CAT: variants seen among roughly 807,000 people sequenced by gnomAD.
CAT encodes the protein epididymis secretory sperm binding protein.
A neutral mutation model predicts 59.0 loss-of-function variants in CAT; 43 were observed. The ratio of observed to expected loss-of-function variants is 0.73; its 90% confidence interval spans 0.57 to 0.94. The LOEUF is 0.94. Ranked by LOEUF, CAT falls within the 40% of genes least tolerant of loss-of-function variation. The pLI is 0.00. For synonymous variants in CAT, 218 were observed against 230.9 expected (o/e 0.94, Z 0.51); for missense variants, 664 against 682.9 (o/e 0.97, Z 0.31).
intron 5 of CAT, among the ~76,000 whole-genome samples, 181 bp downstream of exon 5, chr11:34,453,375 AATG>A (rs918559611): frequency 3.1e-4 from 47 of 152,138 alleles, no homozygotes; most frequent in African/African-American, 1.1e-3. Flanking sequence ...ATCGGCCTTA[AATG>A]ATGATGATGA....
Position 34,471,790 on chromosome 11 carries a change from G to T in CAT, c.*357G>T. 1 of 235,310 alleles carries T rather than the reference G, an allele frequency of 4.2e-6. No individual in the cohort carries two copies. Among genetic ancestry groups the T allele is most frequent in the Non-Finnish European group, 8.5e-6 (1 of 117,388 alleles). The allele number at this position is 235,310 out of a possible 1,614,324, so 14.6% of individuals were successfully genotyped here. A position where few individuals can be genotyped will look rare whatever the true frequency, so the allele number is the denominator to read the frequency against. ...CTCATGGCCTATTATATTAAAATATGGCTATAAATATATAAAAAGAAAAGA... is the reference window on the plus strand; with the variant it reads ...CTCATGGCCTATTATATTAAAATATTGCTATAAATATATAAAAAGAAAAGA... On this transcript the variant is annotated 3_prime_UTR_variant, in exon 13 of 13. Coordinates refer to ENST00000241052, the MANE Select transcript of CAT (RefSeq NM_001752.4).
At chr11:34,466,191 C>G (rs1318050072) in intron 10 of CAT, among the ~76,000 whole-genome samples, 2 of 152,212 alleles carry the variant, frequency 1.3e-5, no homozygotes, top group Non-Finnish European at 1.5e-5. Flanking sequence ...ATAACTTTGC[C>G]TCTGCTCAGT....
rs74906502 is a variant in CAT, at chr11:34,454,101, G to C, written c.711+175G>C. On this transcript the variant is annotated intron_variant, in intron 6 of 12. Transcript: ENST00000241052. ...CTGATTTTGTTGGCTACCATCTGAGGACCTTGGAGCGTATCCCAATCTCAT... is the reference window on the plus strand; with the variant it reads ...CTGATTTTGTTGGCTACCATCTGAGCACCTTGGAGCGTATCCCAATCTCAT... Among the ~76,000 whole-genome samples the C allele has an allele frequency of 1.6e-4, 25 of 152,284 alleles. 1 individual carries two copies. In the East Asian group the frequency reaches 4.8e-3, roughly 29 times the overall value.
At chr11:34,445,265 G>A (rs1325985347) in intron 1 of CAT, among the ~76,000 whole-genome samples, 4 of 151,940 alleles carry the variant, frequency 2.6e-5, no homozygotes, top group Admixed American at 6.6e-5. Flanking sequence ...CAAGATGGGC[G>A]GATTTCTTGA....
At chr11:34,465,337 G>A (rs549997658) in intron 10 of CAT, among the ~76,000 whole-genome samples, 5 of 152,064 alleles carry the variant, frequency 3.3e-5, no homozygotes, top group East Asian at 1.9e-4. Flanking sequence ...ACATATATAC[G>A]TATATATAAA....
At position 34,452,176 on chromosome 11, in the gene CAT, C is replaced by T. The variant is rs750455835; in HGVS notation, c.449C>T (p.Thr150Ile). 6 of 1,613,510 alleles carry T rather than the reference C, an allele frequency of 3.7e-6. No individual in the cohort carries two copies. The highest frequency in any genetic ancestry group is 5.1e-6 in the Non-Finnish European group (6 of 1,179,534). Residue 150 changes from threonine (T) to isoleucine (I), a missense_variant, in exon 4 of 13, where the codon ACC (threonine) becomes ATC (isoleucine). Transcript: ENST00000241052. ...DGNWDLVGNNTPIFFIRDPIL... is the reference protein window; with the variant it reads ...DGNWDLVGNNIPIFFIRDPIL... ...AACTGGGATCTCGTTGGAAATAACA[C>T]CCCCATTTTCTTCATCAGGGATCCC...
intron 4 of CAT, 55 bp downstream of exon 4, chr11:34,452,262 C>T (rs1050179200): frequency 2.6e-6 from 4 of 1,558,008 alleles, no homozygotes; most frequent in Non-Finnish European, 3.5e-6. Context: ...AAATTGATTT[C>T]AAATAGGTTG....
At chr11:34,460,867 T>C (rs1385909993) in intron 8 of CAT, 1 of 287,312 alleles carries the variant, frequency 3.5e-6, no homozygotes, top group Non-Finnish European at 6.8e-6. Context: ...TGAGGAGGAA[T>C]AGAATTAATT....
intron 1 of CAT, among the ~76,000 whole-genome samples, chr11:34,446,989 C>T (rs1236906997): frequency 6.6e-6 from 1 of 152,176 alleles, no homozygotes; most frequent in Non-Finnish European, 1.5e-5. Context: ...GGTGATCCAC[C>T]TGCTGCAGCC....
chr11:34,452,012 T>C, intron 3 of CAT, 65 bp from the exon 4 acceptor site: 1 of 1,574,352 alleles, frequency 6.4e-7, no homozygotes, highest in Non-Finnish European at 8.7e-7. Context: ...CTTCTTTATG[T>C]CTCCAGGCTT....
At chr11:34,466,444 T>G (rs1447250388) in intron 10 of CAT, among the ~76,000 whole-genome samples, 1 of 152,166 alleles carries the variant, frequency 6.6e-6, no homozygotes, top group Non-Finnish European at 1.5e-5. Flanking sequence ...ATAATGGAAC[T>G]GTCAGATACA....
Position 34,439,074 on chromosome 11 carries a change from G to C in CAT, c.61G>C (p.Ala21Pro), listed in dbSNP as rs1279033608. Residue 21 changes from alanine to proline, a missense_variant, in exon 1 of 13, where the codon GCG becomes CCG. Physicochemically the swap from Ala to Pro is conservative, Grantham distance 27. Transcript: ENST00000241052. Reference protein sequence around the residue: ...QMQHWKEQRAAQKADVLTTGA... With the variant: ...QMQHWKEQRAPQKADVLTTGA... ...GCAGCACTGGAAGGAGCAGCGGGCC[G>C]CGCAGGTACACTCTGTGCTCCCCGA... 12 of 1,589,100 alleles carry C rather than the reference G, an allele frequency of 7.6e-6. No homozygotes were observed. Among genetic ancestry groups the C allele is most frequent in the African/African-American group, 1.3e-5 (1 of 74,298 alleles).
intron 1 of CAT, among the ~76,000 whole-genome samples, chr11:34,444,808 A>G (rs552905209): frequency 9.2e-5 from 14 of 152,328 alleles, no homozygotes; most frequent in Admixed American, 3.3e-4. Flanking sequence ...TCATTTATGT[A>G]TTAGCTCTGG....
At position 34,461,348 on chromosome 11, in the gene CAT, A is replaced by G. The variant is rs922317422; in HGVS notation, c.1154A>G (p.Asn385Ser). 28 of 1,614,114 alleles carry G rather than the reference A, an allele frequency of 1.7e-5. No individual in the cohort carries two copies. Among genetic ancestry groups the G allele is most frequent in the African/African-American group, 4.0e-5 (3 of 74,936 alleles). The change falls in exon 9 of 13, where the codon AAC becomes AGC. Residue 385 changes from asparagine (N) to serine (S), a missense_variant. Coordinates refer to ENST00000241052, the MANE Select transcript of CAT (RefSeq NM_001752.4). Reference sequence around the variant, plus strand: ...TGTCCCTACCGTGCTCGAGTGGCCAACTACCAGCGTGACGGCCCGATGTGC... The same window carrying G: ...TGTCCCTACCGTGCTCGAGTGGCCAGCTACCAGCGTGACGGCCCGATGTGC... Reference protein sequence around the residue: ...VNCPYRARVANYQRDGPMCMQ... With the variant: ...VNCPYRARVASYQRDGPMCMQ...
chr11:34,466,631 A>G (rs966826745), intron 10 of CAT, among the ~76,000 whole-genome samples: 2 of 151,654 alleles, frequency 1.3e-5, no homozygotes, highest in Non-Finnish European at 2.9e-5. Flanking sequence ...CAAAAAAAAA[A>G]TTAGCCGGGC....
chr11:34,471,137 C>A, intron 12 of CAT, 96 bp downstream of exon 12: 1 of 1,030,770 alleles, frequency 9.7e-7, no homozygotes, highest in Non-Finnish European at 1.5e-6. Flanking sequence ...CTGCAGGGGC[C>A]ATTACCTGCC....
In CAT at chr11:34,468,406, G is replaced by T; in HGVS notation, c.1434+11G>T. On this transcript the variant is annotated intron_variant, in intron 11 of 12. Coordinates refer to ENST00000241052, the MANE Select transcript of CAT (RefSeq NM_001752.4). Reference sequence around the variant, plus strand: ...ATCCAGAAGAAAGCGGTGAGTCTTTGTAAGCTGAAGGGTGTCCTCTGCTGG... The same window carrying T: ...ATCCAGAAGAAAGCGGTGAGTCTTTTTAAGCTGAAGGGTGTCCTCTGCTGG... The T allele has an allele frequency of 1.3e-6, 2 of 1,586,100 alleles. No homozygotes were observed. Among genetic ancestry groups the T allele is most frequent in the Non-Finnish European group, 1.7e-6 (2 of 1,154,458 alleles).
At chr11:34,470,332 G>T (rs1258220787) in intron 11 of CAT, among the ~76,000 whole-genome samples, 6 of 152,156 alleles carry the variant, frequency 3.9e-5, no homozygotes, top group Non-Finnish European at 7.3e-5. Context: ...TCCCTGAGTG[G>T]ACCACCCTTC....
At chr11:34,456,499 A>G (rs1398297090) in intron 7 of CAT, among the ~76,000 whole-genome samples, 166 bp from the exon 8 acceptor site, 2 of 152,244 alleles carry the variant, frequency 1.3e-5, no homozygotes, top group Non-Finnish European at 2.9e-5. Context: ...ACCACTTACT[A>G]TTGTGAAAGA....
Sources: allele counts gnomAD v4.1 joint callset (sites outside exome capture counted in the v4.1 genomes callset), GRCh38; gene constraint gnomAD v4.1.1; transcripts MANE v1.5; gene names NCBI Gene and HGNC (gene_info 2026-07-23, HGNC 2026-07-21).